OR14L1: variants seen among roughly 807,000 people sequenced by gnomAD.
The protein encoded by OR14L1 is olfactory receptor 14L1.
At chr1:247,622,041 C>T in the OR14L1 span, 3 of 152,090 alleles carry the variant, frequency 2.0e-5, no homozygotes, top group African/African-American at 7.2e-5. Flanking sequence ...CTACTGATTC[C>T]AGTTCTTTGG....
chr1:247,620,415 T>A, the OR14L1 span: 4 of 152,226 alleles, frequency 2.6e-5, no homozygotes, highest in Non-Finnish European at 1.5e-5. Context: ...GCATTGCCTA[T>A]GTGAAGCCAA....
the OR14L1 span, among the ~76,000 whole-genome samples, chr1:247,618,432 A>T: frequency 1.5e-3 from 231 of 152,268 alleles, 2 homozygotes; most frequent in Middle Eastern, 3.4e-3. Context: ...TTCCAGCTAC[A>T]TTATTTGATA....
chr1:247,621,484 G>T, the OR14L1 span: 1 of 152,106 alleles, frequency 6.6e-6, no homozygotes, highest in Non-Finnish European at 1.5e-5. Flanking sequence ...TTGCAATGTG[G>T]AATGATTAAA....
At chr1:247,619,962 A>G in the OR14L1 span, 3 of 152,196 alleles carry the variant, frequency 2.0e-5, no homozygotes, top group African/African-American at 7.2e-5. Flanking sequence ...TGGACTTGGC[A>G]ACTACGGAGG....
the OR14L1 span, chr1:247,622,145 C>A: frequency 6.6e-6 from 1 of 152,266 alleles, no homozygotes; most frequent in South Asian, 2.1e-4. Flanking sequence ...GGTAACTTTG[C>A]ATTGGGCAAG....
chr1:247,620,873 A>C, the OR14L1 span: 2 of 152,090 alleles, frequency 1.3e-5, no homozygotes, highest in Non-Finnish European at 2.9e-5. Flanking sequence ...ACAACATATT[A>C]ATTAATATAA....
the OR14L1 span, chr1:247,619,723 G>C: frequency 6.6e-6 from 1 of 152,030 alleles, no homozygotes; most frequent in Non-Finnish European, 1.5e-5. Flanking sequence ...TGTACATGCT[G>C]CTCTATTCTT....
At chr1:247,617,712 G>C in the OR14L1 span, among the ~76,000 whole-genome samples, 1 of 132,790 alleles carries the variant, frequency 7.5e-6, no homozygotes, top group Admixed American at 7.1e-5. Context: ...GTGTGTGTGC[G>C]TGTGTGTGTG....
chr1:247,621,442 C>T, the OR14L1 span: 1 of 151,972 alleles, frequency 6.6e-6, no homozygotes, highest in Admixed American at 6.6e-5. Context: ...TTATATATGC[C>T]TATGGGGTAA....
chr1:247,617,693 GGTGT>G, the OR14L1 span, among the ~76,000 whole-genome samples: 3 of 143,916 alleles, frequency 2.1e-5, no homozygotes, highest in Non-Finnish European at 4.5e-5. Flanking sequence ...AGTGGTGAAA[GGTGT>G]GTGTGTGTGT....
chr1:247,622,149 G>A, the OR14L1 span: 6 of 152,172 alleles, frequency 3.9e-5, no homozygotes, highest in African/African-American at 1.4e-4. Context: ...ACTTTGCATT[G>A]GGCAAGTCTA....
At chr1:247,617,997 C>T in the OR14L1 span, among the ~76,000 whole-genome samples, 12 of 152,054 alleles carry the variant, frequency 7.9e-5, no homozygotes, top group East Asian at 1.9e-4. Flanking sequence ...ATTAATGGTG[C>T]CCTGGTAAAC....
At chr1:247,619,585 T>G in the OR14L1 span, 3 of 152,198 alleles carry the variant, frequency 2.0e-5, no homozygotes, top group African/African-American at 7.2e-5. Flanking sequence ...GTAGCCATAT[T>G]TGATATTTCT....
At chr1:247,617,584 T>A in the OR14L1 span, among the ~76,000 whole-genome samples, 116 of 152,276 alleles carry the variant, frequency 7.6e-4, no homozygotes, top group Non-Finnish European at 1.4e-3. Flanking sequence ...GATCTGGGCA[T>A]GAGCAATGCA....
the OR14L1 span, among the ~76,000 whole-genome samples, chr1:247,618,024 T>A: frequency 6.6e-6 from 1 of 152,164 alleles, no homozygotes; most frequent in East Asian, 1.9e-4. Context: ...CAGAATAGAT[T>A]CCCAAGATGA....
At chr1:247,619,493 G>A in the OR14L1 span, 3 of 152,092 alleles carry the variant, frequency 2.0e-5, no homozygotes, top group South Asian at 4.1e-4. Context: ...GTGTAATTGA[G>A]ATTTAGGGTT....
the OR14L1 span, among the ~76,000 whole-genome samples, chr1:247,617,936 G>A: frequency 2.0e-5 from 3 of 152,110 alleles, no homozygotes; most frequent in African/African-American, 7.2e-5. Context: ...TTCTCTTCCT[G>A]ATTAGTGTCA....
chr1:247,618,870 CA>C, the OR14L1 span, among the ~76,000 whole-genome samples: 1 of 152,156 alleles, frequency 6.6e-6, no homozygotes, highest in Non-Finnish European at 1.5e-5. Flanking sequence ...TCTATAACAA[CA>C]CAAAATAAGA....
the OR14L1 span, among the ~76,000 whole-genome samples, chr1:247,617,715 T>TGG: frequency 6.6e-6 from 1 of 151,284 alleles, no homozygotes; most frequent in Non-Finnish European, 1.5e-5. Context: ...TGTGTGCGTG[T>TGG]GTGTGTGTGT....
Sources: gnomAD v4.1 joint callset for allele counts (sites outside exome capture counted in the v4.1 genomes callset) on GRCh38, gnomAD v4.1.1 for gene constraint, MANE v1.5 for transcripts, NCBI Gene and HGNC (gene_info 2026-07-23, HGNC 2026-07-21) for gene names.